Variants in TMEM108 observed in about 807,000 individuals in gnomAD.
TMEM108 encodes cancer/testis antigen 124.
TMEM108 carries 12 observed loss-of-function variants against 35.1 expected under a neutral mutation model. That is an observed-to-expected ratio of 0.34 (90% confidence interval 0.22 to 0.55). The LOEUF is 0.55. Ranked by LOEUF, TMEM108 falls within the 20% of genes least tolerant of loss-of-function variation. The pLI, the probability that TMEM108 is intolerant of heterozygous loss-of-function variation, is 0.89. For missense variants in TMEM108, 680 were observed against 753.3 expected, an observed-to-expected ratio of 0.90 and a Z score of 1.14; for synonymous variants, 287 against 308.6, an observed-to-expected ratio of 0.93 and a Z score of 0.73.
intron 2 of TMEM108, among the ~76,000 whole-genome samples, chr3:133,178,417 G>A (rs1334160556): frequency 2.0e-5 from 3 of 152,118 alleles, no homozygotes; most frequent in South Asian, 2.1e-4. Context: ...TATACTACAA[G>A]GCTACAGTAA....
At chr3:133,341,602 C>T (rs2107747226) in intron 3 of TMEM108, among the ~76,000 whole-genome samples, 1 of 151,832 alleles carries the variant, frequency 6.6e-6, no homozygotes, top group African/African-American at 2.4e-5. Flanking sequence ...GCAAAAAGAA[C>T]AAAACTGGAA....
At chr3:133,106,038 A>G (rs1323120999) in intron 2 of TMEM108, among the ~76,000 whole-genome samples, 1 of 152,130 alleles carries the variant, frequency 6.6e-6, no homozygotes, top group Non-Finnish European at 1.5e-5. Flanking sequence ...CCCTCACGGA[A>G]TTTATAACCT....
chr3:133,120,382 G>A (rs751288612), intron 2 of TMEM108, among the ~76,000 whole-genome samples: 4 of 152,206 alleles, frequency 2.6e-5, no homozygotes, highest in Non-Finnish European at 4.4e-5. Context: ...GAGGAAGTGT[G>A]TGTGCCTCTG....
intron 2 of TMEM108, among the ~76,000 whole-genome samples, chr3:133,211,907 G>A (rs1361368210): frequency 6.6e-6 from 1 of 152,106 alleles, no homozygotes; most frequent in Non-Finnish European, 1.5e-5. Context: ...TGGTGGAACT[G>A]ACAACCTCCT....
At chr3:133,367,563 A>G (rs1173596291) in intron 3 of TMEM108, among the ~76,000 whole-genome samples, 2 of 152,244 alleles carry the variant, frequency 1.3e-5, no homozygotes, top group African/African-American at 4.8e-5. Flanking sequence ...GTTTCGTTCC[A>G]GGCAAACTGG....
intron 2 of TMEM108, chr3:133,192,760 G>C (rs1945517674): frequency 6.6e-6 from 1 of 152,394 alleles, no homozygotes; most frequent in African/African-American, 2.4e-5. Flanking sequence ...TTGTGAGTAT[G>C]CACAGGAGGA....
chr3:133,094,401 TA>T (rs1474615348), intron 2 of TMEM108, among the ~76,000 whole-genome samples: 1 of 152,024 alleles, frequency 6.6e-6, no homozygotes, highest in Non-Finnish European at 1.5e-5. Context: ...TTTTCTCTTC[TA>T]AAAAATGAGG....
At chr3:133,376,705 C>G (rs75633896) in intron 3 of TMEM108, among the ~76,000 whole-genome samples, 1,816 of 152,274 alleles carry the variant, frequency 0.012, 44 homozygotes, top group African/African-American at 0.042. Flanking sequence ...CCACCTGGAC[C>G]AGCTCATAAC....
At chr3:133,111,053 A>G (rs1374000916) in intron 2 of TMEM108, among the ~76,000 whole-genome samples, 1 of 152,116 alleles carries the variant, frequency 6.6e-6, no homozygotes, top group African/African-American at 2.4e-5. Flanking sequence ...CCCCTTGGGT[A>G]TGGGGGCCAT....
chr3:133,391,246 T>G (rs1015879502), intron 5 of TMEM108, among the ~76,000 whole-genome samples: 29 of 152,180 alleles, frequency 1.9e-4, no homozygotes, highest in African/African-American at 7.0e-4. Flanking sequence ...GCTTGATGGA[T>G]GAGTAAATAG....
rs146308136 is a variant in TMEM108 at position 133,135,227 on chromosome 3, A to G, written c.-47+89207A>G. Reference sequence around the variant, plus strand: ...CCTTTAGCGGGTCTTTCTCTCTTCTAATAGCAAACTCCGTAATAGACATCA... The same window carrying G: ...CCTTTAGCGGGTCTTTCTCTCTTCTGATAGCAAACTCCGTAATAGACATCA... On this transcript the variant is annotated intron_variant, in intron 2 of 5. Coordinates refer to ENST00000321871, the MANE Select transcript of TMEM108 (RefSeq NM_023943.4). 5.7e-3 allele frequency among the ~76,000 whole-genome samples: 855 copies of G among 149,904 alleles called. 17 individuals carry two copies. The highest frequency in any genetic ancestry group is 0.031 in the East Asian group (156 of 5,072).
At chr3:133,339,469 A>G (rs1411901927) in intron 3 of TMEM108, among the ~76,000 whole-genome samples, 1 of 151,850 alleles carries the variant, frequency 6.6e-6, no homozygotes, top group Non-Finnish European at 1.5e-5. Flanking sequence ...AAAGATTATT[A>G]AAACTAAAGA....
chr3:133,044,326 C>A (rs4854680), intron 1 of TMEM108, among the ~76,000 whole-genome samples: 74,667 of 151,826 alleles, frequency 0.49, 18,693 homozygotes, highest in African/African-American at 0.58. Flanking sequence ...GTAGGAGAGT[C>A]GTGACTACTT....
chr3:133,313,354 C>T (rs920866348), intron 3 of TMEM108, among the ~76,000 whole-genome samples: 12 of 152,002 alleles, frequency 7.9e-5, no homozygotes, highest in South Asian at 2.1e-4. Flanking sequence ...CCCACCACCA[C>T]GCCTGGCTAA....
chr3:133,335,610 G>A (rs1358712663), intron 3 of TMEM108, among the ~76,000 whole-genome samples: 1 of 152,140 alleles, frequency 6.6e-6, no homozygotes, highest in Admixed American at 6.5e-5. Context: ...AATAAGATTT[G>A]ATAAAGAAAA....
rs563125912 is a variant in TMEM108, at chr3:133,044,868, G to A, written c.-165-1034G>A. On this transcript the variant is annotated intron_variant, in intron 1 of 5. Transcript: ENST00000321871. ...ACTACCCAGGAGGCTGAGGTGCGAG[G>A]ATCACTTGAGCTGAGGAGTTTTAGG... Among the ~76,000 whole-genome samples the A allele has an allele frequency of 2.6e-5, 4 of 152,222 alleles. No individual in the cohort carries two copies. In the South Asian group the frequency reaches 8.3e-4, roughly 32 times the overall value.
At chr3:133,269,814 ACCT>A (rs1946746444) in intron 3 of TMEM108, among the ~76,000 whole-genome samples, 1 of 151,728 alleles carries the variant, frequency 6.6e-6, no homozygotes, top group South Asian at 2.1e-4. Flanking sequence ...ACCTATAAAC[ACCT>A]CCTCCTCTGG....
intron 3 of TMEM108, among the ~76,000 whole-genome samples, chr3:133,262,378 G>T (rs1460677404): frequency 6.6e-6 from 1 of 152,188 alleles, no homozygotes; most frequent in Non-Finnish European, 1.5e-5. Context: ...CACAAGTTTT[G>T]CAGATTGCCA....
chr3:133,309,910 C>T (rs2071101128), intron 3 of TMEM108, among the ~76,000 whole-genome samples: 1 of 151,894 alleles, frequency 6.6e-6, no homozygotes, highest in Non-Finnish European at 1.5e-5. Context: ...CCGTTTTAGC[C>T]GGGATGGTCT....
Sources: allele counts gnomAD v4.1 joint callset (sites outside exome capture counted in the v4.1 genomes callset), GRCh38; gene constraint gnomAD v4.1.1; transcripts MANE v1.5; gene names NCBI Gene and HGNC (gene_info 2026-07-23, HGNC 2026-07-21).